LDLRAD3: variants seen among roughly 807,000 people sequenced by gnomAD.
LDLRAD3 encodes low density lipoprotein receptor class A domain containing 3, also known as low-density lipoprotein receptor class A domain-containing protein 3.
LDLRAD3 carries 20 observed loss-of-function variants against 29.4 expected under a neutral mutation model. That is an observed-to-expected ratio of 0.68 (90% CI 0.48 to 0.99). The LOEUF (loss-of-function observed/expected upper bound fraction) is 0.99, where lower values mean the gene tolerates loss of function less well. Ranked by LOEUF, LDLRAD3 falls within the 50% of genes least tolerant of loss-of-function variation. The pLI, the probability that LDLRAD3 is intolerant of heterozygous loss-of-function variation, is 0.00. For missense variants in LDLRAD3, 420 were observed against 454.3 expected, an observed-to-expected ratio of 0.92 and a Z score of 0.69; for synonymous variants, 157 against 192.7, an observed-to-expected ratio of 0.81 and a Z score of 1.53.
intron 4 of LDLRAD3, among the ~76,000 whole-genome samples, chr11:36,211,752 C>A (rs1855286288): frequency 6.6e-6 from 1 of 152,154 alleles, no homozygotes; most frequent in African/African-American, 2.4e-5. Flanking sequence ...GCAACAATGG[C>A]CTGCCTGAAG....
chr11:36,045,203 G>A (rs1852432546), intron 2 of LDLRAD3, among the ~76,000 whole-genome samples: 2 of 152,150 alleles, frequency 1.3e-5, no homozygotes, highest in Admixed American at 6.5e-5. Flanking sequence ...ACATACAGAC[G>A]TTTCCAGGTT....
chr11:36,102,563 G>A (rs1342907149), intron 4 of LDLRAD3, among the ~76,000 whole-genome samples: 1 of 152,104 alleles, frequency 6.6e-6, no homozygotes, highest in Non-Finnish European at 1.5e-5. Flanking sequence ...CTAACATACA[G>A]TCTGTAAGGA....
At chr11:36,171,402 A>G (rs1325681247) in intron 4 of LDLRAD3, among the ~76,000 whole-genome samples, 1 of 152,088 alleles carries the variant, frequency 6.6e-6, no homozygotes, top group Non-Finnish European at 1.5e-5. Context: ...TTCTGATGTT[A>G]TCTTCTAGAC....
chr11:35,967,703 C>A (rs145731006), intron 1 of LDLRAD3: 53 of 475,972 alleles, frequency 1.1e-4, no homozygotes, highest in African/African-American at 1.0e-3. Flanking sequence ...GTGCACCATG[C>A]CAGAGTTGTG....
chr11:36,205,730 A>G lies in LDLRAD3; in HGVS notation c.455-21355A>G, dbSNP rs148555840. On this transcript the variant is annotated intron_variant, in intron 4 of 5. Transcript: ENST00000315571. The stretch of plus-strand genomic sequence containing the variant: ...TTTTCTCCTCGGAAGCCAATGAAAA[A>G]ATACAATTAGCTGAGTCTCCCTTTA... Among the ~76,000 whole-genome samples the G allele has an allele frequency of 4.6e-5, 7 of 152,326 alleles. 1 individual carries two copies. The highest frequency in any genetic ancestry group is 1.7e-4 in the African/African-American group (7 of 41,562).
intron 1 of LDLRAD3, among the ~76,000 whole-genome samples, chr11:35,958,386 G>A (rs1851232356): frequency 6.6e-6 from 1 of 152,202 alleles, no homozygotes; most frequent in African/African-American, 2.4e-5. Flanking sequence ...CAAATTTGTA[G>A]TGTGTATGTG....
intron 4 of LDLRAD3, among the ~76,000 whole-genome samples, chr11:36,195,545 T>C (rs1370845521): frequency 1.3e-5 from 2 of 152,156 alleles, no homozygotes; most frequent in African/African-American, 2.4e-5. Flanking sequence ...TGATTAAGGC[T>C]CAGAGTATAG....
intron 4 of LDLRAD3, among the ~76,000 whole-genome samples, chr11:36,134,782 G>T (rs1853979951): frequency 6.6e-6 from 1 of 152,134 alleles, no homozygotes; most frequent in African/African-American, 2.4e-5. Context: ...CTCCCCTCTT[G>T]CTGGGAAGTC....
intron 2 of LDLRAD3, among the ~76,000 whole-genome samples, chr11:36,067,862 G>T (rs974657117): frequency 5.9e-5 from 9 of 152,022 alleles, no homozygotes; most frequent in Admixed American, 5.9e-4. Flanking sequence ...TAGAGATAAG[G>T]TTTCACCATG....
At chr11:36,207,046 C>T (rs1412312502) in intron 4 of LDLRAD3, among the ~76,000 whole-genome samples, 5 of 152,040 alleles carry the variant, frequency 3.3e-5, no homozygotes, top group East Asian at 1.9e-4. Flanking sequence ...TTTTTGTACA[C>T]GAGTTTCTCT....
chr11:36,197,348 C>T (rs1272324635), intron 4 of LDLRAD3: 1 of 151,692 alleles, frequency 6.6e-6, no homozygotes, highest in East Asian at 2.0e-4. Flanking sequence ...TGAGGTGCCT[C>T]TGTGTGTGAA....
chr11:36,009,747 A>AT (rs1042483085), intron 1 of LDLRAD3, among the ~76,000 whole-genome samples: 17 of 152,258 alleles, frequency 1.1e-4, no homozygotes, highest in Middle Eastern at 3.4e-3. Context: ...TTCCTGCAAC[A>AT]TTTTTTTTCC....
chr11:36,111,852 C>T (rs1853610395), intron 4 of LDLRAD3, among the ~76,000 whole-genome samples: 1 of 152,236 alleles, frequency 6.6e-6, no homozygotes, highest in African/African-American at 2.4e-5. Context: ...CTGCCTCGGC[C>T]TCCCAAAGTG....
chr11:36,167,933 T>G (rs1854538848), intron 4 of LDLRAD3, among the ~76,000 whole-genome samples: 1 of 152,114 alleles, frequency 6.6e-6, no homozygotes, highest in South Asian at 2.1e-4. Flanking sequence ...CTAAAATGCT[T>G]TGTCATTCTC....
At chr11:36,106,656 G>T (rs1003596350) in intron 4 of LDLRAD3, among the ~76,000 whole-genome samples, 1 of 152,220 alleles carries the variant, frequency 6.6e-6, no homozygotes, top group Non-Finnish European at 1.5e-5. Context: ...GATGACCAGG[G>T]TATATTGTAT....
intron 1 of LDLRAD3, among the ~76,000 whole-genome samples, chr11:35,984,523 G>T (rs979864979): frequency 6.6e-6 from 1 of 152,180 alleles, no homozygotes; most frequent in African/African-American, 2.4e-5. Flanking sequence ...TACCGCTTTG[G>T]TTAGATGGGA....
intron 4 of LDLRAD3, among the ~76,000 whole-genome samples, chr11:36,218,557 G>A (rs978762922): frequency 6.6e-6 from 1 of 152,244 alleles, no homozygotes; most frequent in African/African-American, 2.4e-5. Flanking sequence ...ATGGACGTGA[G>A]GTTAAGAGGC....
At position 36,168,095 on chromosome 11, in the gene LDLRAD3, G is replaced by A. The variant is rs149575695; in HGVS notation, c.455-58990G>A. On this transcript the variant is annotated intron_variant, in intron 4 of 5. Coordinates refer to ENST00000315571, the MANE Select transcript of LDLRAD3 (RefSeq NM_174902.4). ...CTGCCTTCAGGTTGCAGGGCAGCCC[G>A]GTGACAAATGAGGAGGAGCTGAATT... is the stretch of plus-strand genomic sequence containing the variant. 2.9e-3 allele frequency among the ~76,000 whole-genome samples: 442 copies of A among 152,240 alleles called. 3 individuals are homozygous for A. Among genetic ancestry groups the A allele is most frequent in the African/African-American group, 0.01 (420 of 41,530 alleles).
chr11:36,081,553 T>C, intron 2 of LDLRAD3, 100 bp from the exon 3 acceptor site: 2 of 1,487,588 alleles, frequency 1.3e-6, no homozygotes, highest in Non-Finnish European at 1.9e-6. Flanking sequence ...TTAAGATGAA[T>C]CTTAAGTGGA....
Sources: allele counts gnomAD v4.1 joint callset (sites outside exome capture counted in the v4.1 genomes callset), GRCh38; gene constraint gnomAD v4.1.1; transcripts MANE v1.5; gene names NCBI Gene and HGNC (gene_info 2026-07-23, HGNC 2026-07-21).